SLC4A10: variants seen among roughly 807,000 people sequenced by gnomAD.
SLC4A10 encodes the protein solute carrier family 4 member 10, also known as sodium-driven chloride bicarbonate exchanger.
A neutral mutation model predicts 137.7 loss-of-function variants in SLC4A10; 42 were observed. That is an observed-to-expected ratio of 0.30 (90% confidence interval 0.24 to 0.39). The LOEUF (loss-of-function observed/expected upper bound fraction) is 0.39. Among genes scored for constraint, SLC4A10 ranks in the 10% least tolerant of loss-of-function variants. SLC4A10 has a pLI of 1.00. For missense variants in SLC4A10, 925 were observed against 1,355.0 expected (o/e 0.68, Z 4.98); for synonymous variants, 474 against 464.1 (o/e 1.02, Z -0.27).
intron 1 of SLC4A10, among the ~76,000 whole-genome samples, chr2:161,718,857 G>A (rs759611452): frequency 1.3e-5 from 2 of 151,980 alleles, no homozygotes; most frequent in East Asian, 1.9e-4. Context: ...ATTTTCTGTC[G>A]TGATGATGAG....
chr2:161,827,023 C>T (rs1303916077), intron 3 of SLC4A10, among the ~76,000 whole-genome samples: 1 of 152,116 alleles, frequency 6.6e-6, no homozygotes, highest in East Asian at 1.9e-4. Context: ...CTGTTTATAT[C>T]TGTCTTATTC....
chr2:161,711,803 G>A (rs2044318096), intron 1 of SLC4A10, among the ~76,000 whole-genome samples: 1 of 151,834 alleles, frequency 6.6e-6, no homozygotes, highest in African/African-American at 2.4e-5. Flanking sequence ...CTTACTGGCT[G>A]CATGATCTTG....
chr2:161,882,255 C>A, intron 9 of SLC4A10, 102 bp from the exon 10 acceptor site: 2 of 626,198 alleles, frequency 3.2e-6, no homozygotes, highest in South Asian at 7.5e-5. Context: ...TTTGCCATCA[C>A]AATCTCCATT....
chr2:161,893,375 C>T (rs752586540), intron 10 of SLC4A10, among the ~76,000 whole-genome samples: 3 of 151,984 alleles, frequency 2.0e-5, no homozygotes, highest in African/African-American at 7.2e-5. Context: ...GGTTCTGCAC[C>T]CTTGAACTTA....
At chr2:161,904,685 G>A in intron 13 of SLC4A10, 91 bp from the exon 14 acceptor site, 1 of 1,486,146 alleles carries the variant, frequency 6.7e-7, no homozygotes, top group Non-Finnish European at 9.2e-7. Flanking sequence ...GAAGCACAAA[G>A]CACATATCCA....
At chr2:161,838,293 C>A (rs1452609250) in intron 3 of SLC4A10, among the ~76,000 whole-genome samples, 6 of 140,308 alleles carry the variant, frequency 4.3e-5, no homozygotes, top group South Asian at 2.2e-4. Flanking sequence ...TAAAAAAAAA[C>A]CCTTGAATTA....
intron 2 of SLC4A10, among the ~76,000 whole-genome samples, chr2:161,787,265 T>C (rs941112155): frequency 6.6e-6 from 1 of 152,168 alleles, no homozygotes; most frequent in Non-Finnish European, 1.5e-5. Flanking sequence ...TTTTGGCTTA[T>C]ATGGTTTCTG....
intron 1 of SLC4A10, among the ~76,000 whole-genome samples, chr2:161,733,308 G>A (rs1281566373): frequency 2.6e-5 from 4 of 152,162 alleles, no homozygotes; most frequent in Non-Finnish European, 5.9e-5. Flanking sequence ...GGGACTTCAT[G>A]CCCTGCGTTC....
chr2:161,816,206 T>G (rs1418858163), intron 3 of SLC4A10, among the ~76,000 whole-genome samples: 1 of 152,162 alleles, frequency 6.6e-6, no homozygotes, highest in Non-Finnish European at 1.5e-5. Flanking sequence ...TTCTGCCTAC[T>G]TAAGAAATAG....
chr2:161,877,275 A>G (rs2061498188), intron 8 of SLC4A10, among the ~76,000 whole-genome samples: 1 of 152,094 alleles, frequency 6.6e-6, no homozygotes, highest in Non-Finnish European at 1.5e-5. Flanking sequence ...TTATCAATAT[A>G]ATTCATATTA....
At chr2:161,832,745 TTTG>T (rs879918004) in intron 3 of SLC4A10, among the ~76,000 whole-genome samples, 3 of 148,026 alleles carry the variant, frequency 2.0e-5, no homozygotes, top group Admixed American at 6.8e-5. Flanking sequence ...TTTGTTTTGT[TTTG>T]TTTTGTTTTT....
At chr2:161,681,059 T>C (rs1214594262) in intron 1 of SLC4A10, among the ~76,000 whole-genome samples, 1 of 152,176 alleles carries the variant, frequency 6.6e-6, no homozygotes, top group East Asian at 1.9e-4. Context: ...CCAATGTAAC[T>C]CAAAGAATAT....
intron 8 of SLC4A10, among the ~76,000 whole-genome samples, chr2:161,876,789 A>G (rs2061475638): frequency 6.6e-6 from 1 of 152,066 alleles, no homozygotes; most frequent in Admixed American, 6.6e-5. Flanking sequence ...CGAATAATAT[A>G]ATATGTAACT....
At chr2:161,896,765 C>A (rs1215418315) in intron 11 of SLC4A10, among the ~76,000 whole-genome samples, 3 of 152,068 alleles carry the variant, frequency 2.0e-5, no homozygotes, top group Non-Finnish European at 2.9e-5. Flanking sequence ...GTTACAAGAT[C>A]TTTCTTAGTA....
intron 2 of SLC4A10, among the ~76,000 whole-genome samples, chr2:161,799,899 A>G (rs973651254): frequency 4.6e-5 from 7 of 152,008 alleles, no homozygotes; most frequent in African/African-American, 1.7e-4. Context: ...GAATTACTAT[A>G]TAAACTCTTT....
intron 1 of SLC4A10, among the ~76,000 whole-genome samples, chr2:161,699,349 C>A (rs1278574969): frequency 2.0e-5 from 3 of 152,036 alleles, no homozygotes; most frequent in Non-Finnish European, 2.9e-5. Flanking sequence ...TTGTTTGAGT[C>A]ACCTTTGAAA....
intron 1 of SLC4A10, among the ~76,000 whole-genome samples, chr2:161,719,582 A>G (rs1261309911): frequency 1.3e-5 from 2 of 152,070 alleles, no homozygotes; most frequent in Admixed American, 1.3e-4. Flanking sequence ...TGACTTTTTA[A>G]TGATTGCCAT....
rs536700522 is a variant in SLC4A10, at chr2:161,949,207, T to A, written c.2325T>A (p.Ile775=). 1.6e-5 allele frequency: 26 copies of A among 1,611,838 alleles called. No individual in the cohort carries two copies. In the East Asian group the frequency reaches 5.6e-4, roughly 35 times the overall value. ...VFLTILCMVL[I]DYAIGIPSPK... ...TTACAATTCTGTGTATGGTTTTAAT[T>A]GACTATGCCATTGGGATCCCATCTC... The change falls in exon 18 of 27, where the codon ATT becomes ATA. Residue 775 remains isoleucine, a synonymous_variant. Transcript: ENST00000446997.
intron 1 of SLC4A10, among the ~76,000 whole-genome samples, chr2:161,759,299 C>A (rs563287984): frequency 6.6e-6 from 1 of 152,058 alleles, no homozygotes; most frequent in Admixed American, 6.6e-5. Flanking sequence ...ATACATCCAT[C>A]AGCATACATA....
Sources: allele counts gnomAD v4.1 joint callset (sites outside exome capture counted in the v4.1 genomes callset), GRCh38; gene constraint gnomAD v4.1.1; transcripts MANE v1.5; gene names NCBI Gene and HGNC (gene_info 2026-07-23, HGNC 2026-07-21).